The following SLC37A3 variants were observed in gnomAD, a reference collection of about 807,000 sequenced individuals.
SLC37A3 encodes sugar phosphate exchanger 3.
In SLC37A3, 51 loss-of-function variants were observed where a neutral mutation model predicts 67.1. That is an observed-to-expected ratio of 0.76 (90% CI 0.61 to 0.96). The LOEUF (loss-of-function observed/expected upper bound fraction) is 0.96, where lower values mean the gene tolerates loss of function less well. Ranked by LOEUF, SLC37A3 falls within the 40% of genes least tolerant of loss-of-function variation. The pLI is 0.00. For synonymous variants in SLC37A3, 214 were observed against 231.4 expected (o/e 0.92, Z 0.68); for missense variants, 508 against 603.0 (o/e 0.84, Z 1.65).
At chr7:140,396,603 T>C (rs1303095084) in intron 1 of SLC37A3, among the ~76,000 whole-genome samples, 1 of 152,200 alleles carries the variant, frequency 6.6e-6, no homozygotes, top group African/African-American at 2.4e-5. Context: ...AAAGGATTTA[T>C]AATCAAGTTA....
At chr7:140,350,427 T>C (rs1348671254) in intron 9 of SLC37A3, among the ~76,000 whole-genome samples, 4 of 152,172 alleles carry the variant, frequency 2.6e-5, no homozygotes, top group African/African-American at 9.7e-5. Context: ...AACACTGGAA[T>C]GCATTACCAA....
chr7:140,357,280 T>C (rs1208869585), intron 6 of SLC37A3, among the ~76,000 whole-genome samples: 1 of 152,098 alleles, frequency 6.6e-6, no homozygotes, highest in East Asian at 1.9e-4. Flanking sequence ...CCCCTAGATA[T>C]TTACCCAAGA....
intron 1 of SLC37A3, among the ~76,000 whole-genome samples, chr7:140,396,236 T>C (rs1798922581): frequency 6.6e-6 from 1 of 151,938 alleles, no homozygotes; most frequent in South Asian, 2.1e-4. Context: ...ACCAGTCTGG[T>C]CTTAAATTCC....
At position 140,351,371 on chromosome 7, in the gene SLC37A3, C is replaced by G; in HGVS notation, c.784G>C (p.Glu262Gln). Residue 262 changes from glutamate (E) to glutamine (Q), a missense_variant, in exon 9 of 15, where the codon GAA (glutamate) becomes CAA (glutamine). Transcript: ENST00000326232. ...PLINGGENED[E>Q]YEPNYSIQDD... ...TGGATTGAATAATTCGGCTCATATT[C>G]GTCTTCATTTTCACCACCATTAATT... is the stretch of plus-strand genomic sequence containing the variant. 2 of 1,614,156 alleles carry G rather than the reference C, an allele frequency of 1.2e-6. No homozygotes were observed. The highest frequency in any genetic ancestry group is 1.7e-6 in the Non-Finnish European group (2 of 1,180,022).
At chr7:140,335,640 A>T in intron 14 of SLC37A3, 136 bp from the exon 15 acceptor site, 1 of 1,118,334 alleles carries the variant, frequency 8.9e-7, no homozygotes, top group South Asian at 1.6e-5. Flanking sequence ...ATCTTCAATG[A>T]ATTAGAAAAT....
At chr7:140,386,682 TA>T (rs1798465545) in intron 1 of SLC37A3, 1 of 152,186 alleles carries the variant, frequency 6.6e-6, no homozygotes, top group Non-Finnish European at 1.5e-5. Context: ...TTATAATTAA[TA>T]AAACCAAATT....
intron 3 of SLC37A3, among the ~76,000 whole-genome samples, chr7:140,373,544 T>C (rs1041830625): frequency 4.6e-5 from 7 of 152,192 alleles, no homozygotes; most frequent in African/African-American, 9.6e-5. Context: ...CTTATCAAAA[T>C]TTCACTGTAG....
intron 1 of SLC37A3, 38 bp from the exon 2 acceptor site, chr7:140,382,634 T>G (rs769259733): frequency 1.1e-6 from 1 of 895,678 alleles, no homozygotes; most frequent in Non-Finnish European, 1.7e-6. Flanking sequence ...TTATTAAACA[T>G]AGGCAGAGTA....
At position 140,343,253 on chromosome 7, in the gene SLC37A3, C is replaced by T. The variant is rs992202461; in HGVS notation, c.1326+159G>A. Among the ~76,000 whole-genome samples, 13 of 152,272 alleles carry T rather than the reference C, an allele frequency of 8.5e-5. No individual in the cohort carries two copies. The East Asian group carries it at 2.1e-3, about 25-fold the overall frequency. ...AATGGAGAGTCCTTCTACATTAGGA[C>T]GCATCAGCTGGTCCTGAGGGGAGAC... On this transcript the variant is annotated intron_variant, in intron 13 of 14. Coordinates refer to ENST00000326232, the MANE Select transcript of SLC37A3 (RefSeq NM_207113.3).
At chr7:140,384,367 C>T (rs1798367551) in intron 1 of SLC37A3, among the ~76,000 whole-genome samples, 3 of 152,060 alleles carry the variant, frequency 2.0e-5, no homozygotes, top group Admixed American at 6.6e-5. Flanking sequence ...CTATAATAAA[C>T]ATCTATATAA....
chr7:140,368,885 A>C (rs903997788), intron 4 of SLC37A3, among the ~76,000 whole-genome samples: 1 of 152,082 alleles, frequency 6.6e-6, no homozygotes, highest in Non-Finnish European at 1.5e-5. Flanking sequence ...ACTTCCCCCC[A>C]ACCTCTATTA....
intron 5 of SLC37A3, among the ~76,000 whole-genome samples, chr7:140,359,767 G>GTGTACTTATA (rs1797190765): frequency 1.3e-5 from 2 of 152,104 alleles, no homozygotes; most frequent in Non-Finnish European, 2.9e-5. Context: ...AAGTAAAACT[G>GTGTACTTATA]TACACAGAAA....
At chr7:140,397,003 C>G (rs1156614631) in intron 1 of SLC37A3, among the ~76,000 whole-genome samples, 1 of 149,008 alleles carries the variant, frequency 6.7e-6, no homozygotes, top group African/African-American at 2.5e-5. Context: ...AGATCCAGAT[C>G]ATCATGGCCA....
intron 5 of SLC37A3, among the ~76,000 whole-genome samples, chr7:140,359,377 A>G (rs1797173198): frequency 1.3e-5 from 2 of 151,512 alleles, no homozygotes; most frequent in Non-Finnish European, 2.9e-5. Context: ...CTCATTTTAC[A>G]TGTATTTCCA....
At chr7:140,360,431 T>C (rs1005245995) in intron 5 of SLC37A3, among the ~76,000 whole-genome samples, 1 of 152,144 alleles carries the variant, frequency 6.6e-6, no homozygotes, top group African/African-American at 2.4e-5. Flanking sequence ...TAGTAAGCAA[T>C]GACGATTAGT....
At chr7:140,344,281 AG>A (rs1256227184) in intron 12 of SLC37A3, among the ~76,000 whole-genome samples, 1 of 151,636 alleles carries the variant, frequency 6.6e-6, no homozygotes, top group Non-Finnish European at 1.5e-5. Context: ...TACAAAAATT[AG>A]CTGGGCATGG....
intron 4 of SLC37A3, among the ~76,000 whole-genome samples, chr7:140,366,266 G>T (rs1248486725): frequency 1.3e-5 from 2 of 151,966 alleles, no homozygotes; most frequent in Admixed American, 6.6e-5. Context: ...AACTGAATTT[G>T]CCTGGCTAAT....
chr7:140,379,729 C>CA (rs560684616), intron 3 of SLC37A3: 22,256 of 128,238 alleles, frequency 0.17, 2,245 homozygotes, highest in African/African-American at 0.31. Context: ...CCCATCTCTA[C>CA]AAAAAAAAAA....
At chr7:140,357,106 C>T (rs892577068) in intron 6 of SLC37A3, among the ~76,000 whole-genome samples, 12 of 151,538 alleles carry the variant, frequency 7.9e-5, no homozygotes, top group Non-Finnish European at 1.6e-4. Flanking sequence ...CCCAGCTACT[C>T]GGGAGGCTGA....
Sources: allele counts gnomAD v4.1 joint callset (sites outside exome capture counted in the v4.1 genomes callset), GRCh38; gene constraint gnomAD v4.1.1; transcripts MANE v1.5; gene names NCBI Gene and HGNC (gene_info 2026-07-23, HGNC 2026-07-21).